MTCL1: variants seen among roughly 807,000 people sequenced by gnomAD.
The protein encoded by MTCL1 is microtubule crosslinking factor 1, also known as microtubule cross-linking factor 1.
In MTCL1, 79 loss-of-function variants were observed where a neutral mutation model predicts 141.4. The observed-to-expected ratio is 0.56, with a 90% CI of 0.47 to 0.67. The LOEUF (loss-of-function observed/expected upper bound fraction) is 0.67, where lower values mean the gene tolerates loss of function less well. MTCL1 is among the 30% of genes least tolerant of loss of function. The probability of loss-of-function intolerance (pLI) is 0.00; values close to 1 mark genes in which losing one functional copy is unlikely to be tolerated. For synonymous variants in MTCL1, 914 were observed against 875.8 expected, an observed-to-expected ratio of 1.04 and a Z score of -0.77; for missense variants, 2,177 against 2,113.9, an observed-to-expected ratio of 1.03 and a Z score of -0.59.
chr18:8,722,903 G>T (rs1366458243), intron 4 of MTCL1, among the ~76,000 whole-genome samples: 1 of 152,142 alleles, frequency 6.6e-6, no homozygotes, highest in African/African-American at 2.4e-5. Context: ...ATTTGTGTAG[G>T]ATTTGGCATC....
chr18:8,814,959 C>T (rs116742948), intron 12 of MTCL1, among the ~76,000 whole-genome samples: 141 of 152,320 alleles, frequency 9.3e-4, no homozygotes, highest in African/African-American at 3.2e-3. Context: ...AAGTCAGTGA[C>T]TTACAGGAAA....
chr18:8,755,596 G>A (rs1878140298), intron 4 of MTCL1, among the ~76,000 whole-genome samples: 1 of 152,174 alleles, frequency 6.6e-6, no homozygotes, highest in African/African-American at 2.4e-5. Flanking sequence ...TGAGTTCCAG[G>A]ACATCTCTCG....
chr18:8,820,828 GC>G (rs11318286), intron 13 of MTCL1, among the ~76,000 whole-genome samples: 1,532 of 152,280 alleles, frequency 0.01, 22 homozygotes, highest in African/African-American at 0.035. Context: ...TCAGAGTCTT[GC>G]TGCTTCAAAA....
chr18:8,757,837 A>G (rs1247677269), intron 4 of MTCL1, among the ~76,000 whole-genome samples: 1 of 152,216 alleles, frequency 6.6e-6, no homozygotes, highest in Non-Finnish European at 1.5e-5. Context: ...TGTCAATAAA[A>G]TGTATGGTTC....
intron 1 of MTCL1, among the ~76,000 whole-genome samples, chr18:8,708,702 G>C (rs192428748): frequency 1.3e-5 from 2 of 152,192 alleles, no homozygotes; most frequent in African/African-American, 4.8e-5. Context: ...GGGGCCCTCT[G>C]TTTTCTTTTC....
chr18:8,808,465 G>A (rs2076376133), intron 11 of MTCL1, among the ~76,000 whole-genome samples: 1 of 152,184 alleles, frequency 6.6e-6, no homozygotes, highest in Non-Finnish European at 1.5e-5. Context: ...CTCAGGGAGA[G>A]TGTCCCTAAA....
intron 7 of MTCL1, chr18:8,789,565 A>G (rs1165690980): frequency 4.6e-5 from 45 of 985,332 alleles, no homozygotes; most frequent in Middle Eastern, 5.2e-4. Context: ...TGGGGAAGAC[A>G]TGGACGGGAG....
In MTCL1 at chr18:8,752,205, A is replaced by G. The variant is rs187013986; in HGVS notation, c.358-25628A>G. ...TGAGTATGAGATAAAACTAAATATA[A>G]TCCAGTGTTTTAAGTTAGAACATTA... On this transcript the variant is annotated intron_variant, in intron 4 of 16. Coordinates refer to ENST00000359865, the Ensembl canonical transcript of MTCL1. 1.6e-3 allele frequency among the ~76,000 whole-genome samples: 248 copies of G among 152,284 alleles called. 1 individual carries two copies. The highest frequency in any genetic ancestry group is 5.8e-3 in the African/African-American group (239 of 41,556).
At chr18:8,744,469 A>G (rs763354778) in intron 4 of MTCL1, among the ~76,000 whole-genome samples, 8 of 152,224 alleles carry the variant, frequency 5.3e-5, no homozygotes, top group African/African-American at 4.8e-5. Flanking sequence ...TGTGTTACTC[A>G]GTTCAAACAC....
At chr18:8,796,910 A>G (rs1315071750) in intron 9 of MTCL1, among the ~76,000 whole-genome samples, 2 of 152,182 alleles carry the variant, frequency 1.3e-5, no homozygotes, top group Admixed American at 1.3e-4. Flanking sequence ...CATGGGATAC[A>G]ATTGCAGTTT....
intron 4 of MTCL1, among the ~76,000 whole-genome samples, chr18:8,735,301 G>A (rs2096269861): frequency 6.6e-6 from 1 of 152,158 alleles, no homozygotes; most frequent in South Asian, 2.1e-4. Context: ...GCCACCTTCA[G>A]TTTCTTTTCT....
At chr18:8,818,921 A>G (rs1205847605) in intron 12 of MTCL1, 42 bp from the exon 12 acceptor site, 1 of 1,572,138 alleles carries the variant, frequency 6.4e-7, no homozygotes, top group African/African-American at 1.4e-5. Context: ...ACCATCAGAC[A>G]GAAAAGTGAG....
intron 11 of MTCL1, among the ~76,000 whole-genome samples, chr18:8,809,058 G>C (rs1272062473): frequency 6.6e-6 from 1 of 152,034 alleles, no homozygotes; most frequent in Non-Finnish European, 1.5e-5. Context: ...GTATCATGAA[G>C]AAAGGAGCAT....
At position 8,828,226 on chromosome 18, in the gene MTCL1, T is replaced by C. The variant is rs1183861666; in HGVS notation, c.4723-682T>C. On this transcript the variant is annotated intron_variant, in intron 15 of 16. Coordinates refer to ENST00000359865, the Ensembl canonical transcript of MTCL1. This position sits in a 1 kb window ranked among gnomAD's most constrained non-coding sequence, Gnocchi z 5.2. ...GCCCACCCAGTGCGCTGTTGCGGAA[T>C]CTTTCCCCGAATGTTCACTCAGGCA... Among the ~76,000 whole-genome samples the C allele has an allele frequency of 6.6e-6, 1 of 152,198 alleles. No individual in the cohort carries two copies. Among genetic ancestry groups the C allele is most frequent in the East Asian group, 1.9e-4 (1 of 5,196 alleles).
intron 4 of MTCL1, among the ~76,000 whole-genome samples, chr18:8,746,650 T>C (rs1019194966): frequency 1.3e-5 from 2 of 152,194 alleles, no homozygotes; most frequent in Admixed American, 1.3e-4. Context: ...TGCACTGTGG[T>C]GTTTGCAAAC....
chr18:8,746,690 C>G (rs553457270), intron 4 of MTCL1, among the ~76,000 whole-genome samples: 1 of 152,270 alleles, frequency 6.6e-6, no homozygotes, highest in South Asian at 2.1e-4. Context: ...GCACTGCTCC[C>G]CATCTCCTGC....
intron 13 of MTCL1, among the ~76,000 whole-genome samples, chr18:8,819,813 G>A (rs2076782925): frequency 6.6e-6 from 1 of 152,178 alleles, no homozygotes; most frequent in South Asian, 2.1e-4. Flanking sequence ...GTCTCCCTAT[G>A]TTGCCCAAGC....
intron 7 of MTCL1, among the ~76,000 whole-genome samples, chr18:8,789,204 C>T (rs1174713997): frequency 5.3e-5 from 8 of 152,212 alleles, no homozygotes; most frequent in Non-Finnish European, 1.0e-4. Context: ...CACAATCCCA[C>T]GTGCCTCAGC....
At chr18:8,815,065 G>A (rs11081409) in intron 12 of MTCL1, among the ~76,000 whole-genome samples, 38,114 of 151,886 alleles carry the variant, frequency 0.25, 5,195 homozygotes, top group Middle Eastern at 0.32. Flanking sequence ...TCAGTGTGGC[G>A]ATTCCTCAGG....
Sources: gnomAD v4.1 joint callset for allele counts (sites outside exome capture counted in the v4.1 genomes callset) on GRCh38, gnomAD v4.1.1 for gene constraint, Gnocchi (gnomAD v3.1) non-coding constraint, MANE v1.5 for transcripts, NCBI Gene and HGNC (gene_info 2026-07-23, HGNC 2026-07-21) for gene names.